The following PCBP3 variants were observed in gnomAD, a reference collection of about 807,000 sequenced individuals.
The protein encoded by PCBP3 is poly(rC)-binding protein 3.
In PCBP3, 25 loss-of-function variants were observed where a neutral mutation model predicts 52.7. The ratio of observed to expected loss-of-function variants is 0.47; its 90% CI spans 0.35 to 0.66. The LOEUF is 0.66. PCBP3 is among the 30% of genes least tolerant of loss of function. The pLI, the probability that PCBP3 is intolerant of heterozygous loss-of-function variation, is 0.01. For synonymous variants in PCBP3, 162 were observed against 183.0 expected, an observed-to-expected ratio of 0.89 and a Z score of 0.93; for missense variants, 391 against 490.3, an observed-to-expected ratio of 0.80 and a Z score of 1.91.
chr21:45,860,037 G>T (rs1347858459), intron 5 of PCBP3, among the ~76,000 whole-genome samples: 1 of 152,202 alleles, frequency 6.6e-6, no homozygotes, highest in Admixed American at 6.5e-5. Context: ...AAGCATGGGG[G>T]TGTCCTCGGC....
chr21:45,653,264 T>C (rs75656056), intron 1 of PCBP3, among the ~76,000 whole-genome samples: 5 of 152,316 alleles, frequency 3.3e-5, no homozygotes, highest in Non-Finnish European at 7.4e-5. Flanking sequence ...TTGGTAAGCA[T>C]GTTACATCTG....
intron 5 of PCBP3, among the ~76,000 whole-genome samples, chr21:45,887,937 G>A (rs367551522): frequency 7.2e-5 from 11 of 152,342 alleles, no homozygotes; most frequent in African/African-American, 2.4e-4. Flanking sequence ...AGGTTGGGCC[G>A]CCTTTCCCTG....
intron 4 of PCBP3, among the ~76,000 whole-genome samples, chr21:45,816,871 G>A (rs1211781202): frequency 3.9e-5 from 6 of 151,924 alleles, no homozygotes; most frequent in African/African-American, 7.3e-5. Flanking sequence ...GTAATTGTAC[G>A]AGTTACGCTC....
chr21:45,760,400 GTCCGAGC>G (rs2088519018), intron 4 of PCBP3: 1 of 152,206 alleles, frequency 6.6e-6, no homozygotes, highest in Non-Finnish European at 1.5e-5. Flanking sequence ...TCTATGGAAA[GTCCGAGC>G]TCTAAGAAGG....
Position 45,747,722 on chromosome 21 carries a change from A to G in PCBP3, c.-161-7695A>G, listed in dbSNP as rs1457806919. On this transcript the variant is annotated intron_variant, in intron 3 of 17. Coordinates refer to ENST00000681687, the MANE Select transcript of PCBP3 (RefSeq NM_001384156.1). ...CAGCCAGCAGAAGCTCTGCAGCCTC[A>G]TCGAATCTCAGGTTCTTTATTTGGA... Among the ~76,000 whole-genome samples the G allele has an allele frequency of 4.6e-5, 7 of 152,348 alleles. No homozygotes were observed. In the East Asian group the frequency reaches 5.8e-4, roughly 13 times the overall value.
intron 15 of PCBP3, among the ~76,000 whole-genome samples, chr21:45,933,898 G>T (rs926094298): frequency 3.3e-5 from 5 of 152,196 alleles, no homozygotes; most frequent in African/African-American, 1.2e-4. Context: ...GTGGCTGGCA[G>T]GGACGGGGGG....
At chr21:45,898,267 GTCC>G (rs773983613) in intron 6 of PCBP3, among the ~76,000 whole-genome samples, 1 of 151,984 alleles carries the variant, frequency 6.6e-6, no homozygotes, top group Non-Finnish European at 1.5e-5. Flanking sequence ...TGTGTCCAGT[GTCC>G]TCCTCCCTCC....
chr21:45,725,834 G>T (rs1023081458), intron 2 of PCBP3, among the ~76,000 whole-genome samples: 5 of 151,726 alleles, frequency 3.3e-5, no homozygotes, highest in African/African-American at 9.7e-5. Flanking sequence ...TAGGCAGGAG[G>T]CGTGCATGGA....
intron 2 of PCBP3, chr21:45,732,624 A>C (rs1171645403): frequency 6.6e-6 from 1 of 151,922 alleles, no homozygotes; most frequent in African/African-American, 2.4e-5. Flanking sequence ...TATGGGCTTA[A>C]ATTTTCATCC....
At chr21:45,814,995 GGTGAGTGAGTGGTGAGTGATGA>G (rs1569259820) in intron 4 of PCBP3, among the ~76,000 whole-genome samples, 21 of 120,270 alleles carry the variant, frequency 1.7e-4, no homozygotes, top group South Asian at 3.3e-4. Flanking sequence ...GTGAGTGAGT[GGTGAGTGAGTGGTGAGTGATGA>G]GTGAGTGGTG....
intron 2 of PCBP3, chr21:45,728,584 A>T (rs1029396346): frequency 6.6e-6 from 1 of 152,152 alleles, no homozygotes. Context: ...TGCCTTATAG[A>T]ATGAATTGGG....
rs2077490283 is a variant in PCBP3 at position 45,941,712 on chromosome 21, C to T, written c.*6C>T. ...CCGGGATGGGCACGCTGTAATCCTA[C>T]CCAGCACCCTTCCCCCGCGTCACCC... is the stretch of plus-strand genomic sequence containing the variant. On this transcript the variant is annotated 3_prime_UTR_variant, in exon 18 of 18. Coordinates refer to ENST00000681687, the MANE Select transcript of PCBP3 (RefSeq NM_001384156.1). 5 of 1,602,072 alleles carry T rather than the reference C, an allele frequency of 3.1e-6. No individual in the cohort carries two copies. Among genetic ancestry groups the T allele is most frequent in the Non-Finnish European group, 4.3e-6 (5 of 1,174,104 alleles).
chr21:45,695,538 C>T (rs1569125536), intron 2 of PCBP3, among the ~76,000 whole-genome samples: 1 of 152,086 alleles, frequency 6.6e-6, no homozygotes, highest in Non-Finnish European at 1.5e-5. Context: ...TTAGAGAGAC[C>T]CTCTTCTGAG....
chr21:45,730,355 T>A (rs375847493), intron 2 of PCBP3, among the ~76,000 whole-genome samples: 2 of 152,192 alleles, frequency 1.3e-5, no homozygotes, highest in African/African-American at 4.8e-5. Flanking sequence ...TTTGTTCCTG[T>A]TTTCTAATTT....
At chr21:45,718,832 A>G (rs2084407906) in intron 2 of PCBP3, among the ~76,000 whole-genome samples, 1 of 152,234 alleles carries the variant, frequency 6.6e-6, no homozygotes, top group African/African-American at 2.4e-5. Flanking sequence ...ACACTTTTCA[A>G]AAAATGAATG....
chr21:45,826,900 C>G (rs1233764682), intron 4 of PCBP3, among the ~76,000 whole-genome samples: 1 of 152,184 alleles, frequency 6.6e-6, no homozygotes, highest in Non-Finnish European at 1.5e-5. Flanking sequence ...TGGCCACAGC[C>G]TCCCCCGAGT....
chr21:45,928,321 C>A lies in PCBP3; in HGVS notation c.718-1596C>A, dbSNP rs2075748711. On this transcript the variant is annotated intron_variant, in intron 13 of 17. Transcript: ENST00000681687. This position sits in a 1 kb window ranked among gnomAD's most constrained non-coding sequence, Gnocchi z 4.1. Reference sequence around the variant, plus strand: ...GTTACATCATGGGGCAGCGCAGATGCCACAATGCCCTGCCCCCCAGCCCAG... The same window carrying A: ...GTTACATCATGGGGCAGCGCAGATGACACAATGCCCTGCCCCCCAGCCCAG... Among the ~76,000 whole-genome samples, 1 of 152,228 alleles carries A rather than the reference C, an allele frequency of 6.6e-6. No homozygotes were observed. The highest frequency in any genetic ancestry group is 2.4e-5 in the African/African-American group (1 of 41,460).
rs975318359 is a variant in PCBP3 at position 45,736,474 on chromosome 21, C to T, written c.-162+1045C>T. ...AGTGCATCCTGAGGAGACAGTGCTGCGGGCCCCGCCTACTAACTTCCAGAG... is the reference window on the plus strand; with the variant it reads ...AGTGCATCCTGAGGAGACAGTGCTGTGGGCCCCGCCTACTAACTTCCAGAG... On this transcript the variant is annotated intron_variant, in intron 3 of 17. Transcript: ENST00000681687. This position sits in a 1 kb window ranked among gnomAD's most constrained non-coding sequence, Gnocchi z 4.6. 6.6e-6 allele frequency among the ~76,000 whole-genome samples: 1 copy of T among 152,178 alleles called. No homozygotes were observed. Among genetic ancestry groups the T allele is most frequent in the African/African-American group, 2.4e-5 (1 of 41,434 alleles).
Position 45,741,043 on chromosome 21 carries a change from G to A in PCBP3, c.-162+5614G>A, listed in dbSNP as rs959087580. ...GGGGGACTGTCCTAAACGGAAAGCA[G>A]GGCACGGGATGGCTTCACTCCAGCT... On this transcript the variant is annotated intron_variant, in intron 3 of 17. Coordinates refer to ENST00000681687, the MANE Select transcript of PCBP3 (RefSeq NM_001384156.1). This position sits in a 1 kb window ranked among gnomAD's most constrained non-coding sequence, Gnocchi z 4.5. 7.9e-5 allele frequency among the ~76,000 whole-genome samples: 12 copies of A among 152,196 alleles called. No homozygotes were observed. The highest frequency in any genetic ancestry group is 1.3e-4 in the Admixed American group (2 of 15,282).
Sources: allele counts gnomAD v4.1 joint callset (sites outside exome capture counted in the v4.1 genomes callset), GRCh38; gene constraint gnomAD v4.1.1; non-coding constraint Gnocchi (gnomAD v3.1); transcripts MANE v1.5; gene names NCBI Gene and HGNC (gene_info 2026-07-23, HGNC 2026-07-21).